SLC4A10: variants seen among roughly 807,000 people sequenced by gnomAD.
SLC4A10 encodes the protein solute carrier family 4 member 10, also known as sodium-driven chloride bicarbonate exchanger.
In SLC4A10, 42 loss-of-function variants were observed where a neutral mutation model predicts 137.7. The observed-to-expected ratio is 0.30, with a 90% CI of 0.24 to 0.39. The LOEUF (loss-of-function observed/expected upper bound fraction) is 0.39, where lower values mean the gene tolerates loss of function less well. SLC4A10 is among the 10% of genes least tolerant of loss of function. The pLI is 1.00. For synonymous variants in SLC4A10, 474 were observed against 464.1 expected (o/e 1.02, Z -0.27); for missense variants, 925 against 1,355.0 (o/e 0.68, Z 4.98).
chr2:161,947,451 C>A, intron 16 of SLC4A10, 115 bp from the exon 17 acceptor site: 3 of 1,033,286 alleles, frequency 2.9e-6, no homozygotes, highest in Non-Finnish European at 4.1e-6. Context: ...TTGTGAGAGC[C>A]ATAAAGGAAA....
At chr2:161,648,106 A>G (rs1438813004) in intron 1 of SLC4A10, among the ~76,000 whole-genome samples, 2 of 152,174 alleles carry the variant, frequency 1.3e-5, no homozygotes, top group Admixed American at 6.5e-5. Context: ...TTTAAACAAA[A>G]TCAGGCTCAG....
At chr2:161,934,501 A>T (rs989914249) in intron 15 of SLC4A10, among the ~76,000 whole-genome samples, 1 of 152,110 alleles carries the variant, frequency 6.6e-6, no homozygotes, top group Non-Finnish European at 1.5e-5. Context: ...ACAGGATCTC[A>T]TTCTTTTTAT....
chr2:161,716,149 G>C (rs563122389), intron 1 of SLC4A10, among the ~76,000 whole-genome samples: 9 of 147,212 alleles, frequency 6.1e-5, no homozygotes, highest in African/African-American at 2.0e-4. Flanking sequence ...AGAAGTGTCT[G>C]TTCATGTCCT....
chr2:161,968,373 T>C lies in SLC4A10; in HGVS notation c.3159+3200T>C, dbSNP rs562007303. On this transcript the variant is annotated intron_variant, in intron 23 of 26. Coordinates refer to ENST00000446997, the MANE Select transcript of SLC4A10 (RefSeq NM_001178015.2). ...TAATCTTTTTATATTATATACCCACTGTACTTTAATGGGCATTTACTGTTC... is the reference window on the plus strand; with the variant it reads ...TAATCTTTTTATATTATATACCCACCGTACTTTAATGGGCATTTACTGTTC... Among the ~76,000 whole-genome samples, 69 of 152,276 alleles carry C rather than the reference T, an allele frequency of 4.5e-4. 1 individual carries two copies. The highest frequency in any genetic ancestry group is 1.7e-3 in the South Asian group (8 of 4,812).
chr2:161,972,313 C>T (rs189901769), intron 23 of SLC4A10, among the ~76,000 whole-genome samples: 4 of 152,206 alleles, frequency 2.6e-5, no homozygotes, highest in South Asian at 2.1e-4. Flanking sequence ...CCTTTTCTAC[C>T]TGAAATGATA....
chr2:161,944,312 G>A (rs1030185212), intron 16 of SLC4A10, among the ~76,000 whole-genome samples: 1 of 151,722 alleles, frequency 6.6e-6, no homozygotes, highest in Non-Finnish European at 1.5e-5. Context: ...GCCTCTTGAT[G>A]TCTTCTTCAA....
At chr2:161,638,500 C>G (rs1010092181) in intron 1 of SLC4A10, among the ~76,000 whole-genome samples, 1 of 151,962 alleles carries the variant, frequency 6.6e-6, no homozygotes, top group Non-Finnish European at 1.5e-5. Flanking sequence ...GTTTTTATAC[C>G]AGCACCATGA....
At chr2:161,886,372 A>G (rs1434873966) in intron 10 of SLC4A10, among the ~76,000 whole-genome samples, 1 of 152,124 alleles carries the variant, frequency 6.6e-6, no homozygotes, top group Non-Finnish European at 1.5e-5. Flanking sequence ...TTAGAACAGT[A>G]TGTACTTTTG....
intron 1 of SLC4A10, among the ~76,000 whole-genome samples, chr2:161,730,053 G>C (rs1409506931): frequency 6.6e-6 from 1 of 152,160 alleles, no homozygotes; most frequent in Non-Finnish European, 1.5e-5. Context: ...CAAATAAGAG[G>C]AAAGAGTGAA....
intron 1 of SLC4A10, among the ~76,000 whole-genome samples, chr2:161,650,603 C>T (rs1057129276): frequency 6.6e-6 from 1 of 152,226 alleles, no homozygotes; most frequent in Non-Finnish European, 1.5e-5. Flanking sequence ...CCCCTGCCCC[C>T]ACAAGCTTGG....
At chr2:161,824,929 C>T (rs990691593) in intron 3 of SLC4A10, among the ~76,000 whole-genome samples, 3 of 152,156 alleles carry the variant, frequency 2.0e-5, no homozygotes, top group African/African-American at 7.2e-5. Context: ...GCAAGACCAA[C>T]CCCTCCTCTT....
At chr2:161,792,255 A>G (rs975402265) in intron 2 of SLC4A10, among the ~76,000 whole-genome samples, 22 of 152,176 alleles carry the variant, frequency 1.4e-4, no homozygotes, top group African/African-American at 4.8e-4. Flanking sequence ...ATAAACTTGT[A>G]TTCATTACAT....
intron 1 of SLC4A10, among the ~76,000 whole-genome samples, chr2:161,735,720 A>G (rs2047275023): frequency 6.6e-6 from 1 of 152,198 alleles, no homozygotes; most frequent in Non-Finnish European, 1.5e-5. Flanking sequence ...AGCTAATCCC[A>G]GGAAGAAGTG....
chr2:161,796,462 G>T (rs1048558940), intron 2 of SLC4A10, among the ~76,000 whole-genome samples: 1 of 152,154 alleles, frequency 6.6e-6, no homozygotes, highest in Admixed American at 6.6e-5. Context: ...GCTAGGCTGG[G>T]CATGTTTACA....
intron 1 of SLC4A10, among the ~76,000 whole-genome samples, chr2:161,676,498 C>A (rs1200657008): frequency 6.6e-6 from 1 of 151,980 alleles, no homozygotes; most frequent in African/African-American, 2.4e-5. Flanking sequence ...ATTTGGTTAT[C>A]TTTTCTATCT....
At chr2:161,746,944 C>T (rs1288752918) in intron 1 of SLC4A10, among the ~76,000 whole-genome samples, 1 of 152,104 alleles carries the variant, frequency 6.6e-6, no homozygotes, top group African/African-American at 2.4e-5. Context: ...TGTAGCTGAG[C>T]TGGTATCGCA....
intron 3 of SLC4A10, among the ~76,000 whole-genome samples, chr2:161,838,375 A>T (rs2058953139): frequency 6.6e-6 from 1 of 152,152 alleles, no homozygotes; most frequent in South Asian, 2.1e-4. Context: ...AATATATGAA[A>T]CTTTAGAAGA....
chr2:161,740,102 A>G (rs2047732001), intron 1 of SLC4A10, among the ~76,000 whole-genome samples: 1 of 152,184 alleles, frequency 6.6e-6, no homozygotes, highest in South Asian at 2.1e-4. Flanking sequence ...ATACTGCTAG[A>G]AAACAGCGTG....
intron 21 of SLC4A10, among the ~76,000 whole-genome samples, chr2:161,962,403 G>GA (rs1372745344): frequency 6.6e-6 from 1 of 152,254 alleles, no homozygotes; most frequent in South Asian, 2.1e-4. Flanking sequence ...TGGTGGCTGG[G>GA]AAAAACTAGT....
Sources: allele counts gnomAD v4.1 joint callset (sites outside exome capture counted in the v4.1 genomes callset), GRCh38; gene constraint gnomAD v4.1.1; transcripts MANE v1.5; gene names NCBI Gene and HGNC (gene_info 2026-07-23, HGNC 2026-07-21).